KDM4C: variants seen among roughly 807,000 people sequenced by gnomAD.
KDM4C encodes lysine demethylase 4C, also known as lysine-specific demethylase 4C.
Under a neutral mutation model 129.3 loss-of-function variants are expected in KDM4C, and 81 were observed. The observed-to-expected ratio is 0.63, with a 90% CI of 0.52 to 0.75. The LOEUF (loss-of-function observed/expected upper bound fraction) is 0.75, where lower values mean the gene tolerates loss of function less well. KDM4C is among the 30% of genes least tolerant of loss of function. The pLI is 0.00. For missense variants in KDM4C, 1,457 were observed against 1,304.0 expected (o/e 1.12, Z -1.81); for synonymous variants, 573 against 456.1 (o/e 1.26, Z -3.26).
At chr9:7,024,990 C>T (rs1023714684) in intron 15 of KDM4C, among the ~76,000 whole-genome samples, 19 of 152,188 alleles carry the variant, frequency 1.2e-4, no homozygotes, top group African/African-American at 3.9e-4. Context: ...TCCTCTCCAG[C>T]ACCTGTTGTT....
At chr9:6,918,923 C>G (rs1013851448) in intron 8 of KDM4C, among the ~76,000 whole-genome samples, 3 of 152,200 alleles carry the variant, frequency 2.0e-5, no homozygotes, top group African/African-American at 4.8e-5. Context: ...ACAGTCTTAG[C>G]TCACTGCAAC....
rs373026583 is a variant in KDM4C, at chr9:6,879,357, G to A, written c.630-655G>A. ...AAAATAACTATGGAACTAGAAATGA[G>A]TATTTCTGTTCTTTAAGGGTGAAAA... is the stretch of plus-strand genomic sequence containing the variant. On this transcript the variant is annotated intron_variant, in intron 5 of 21. Transcript: ENST00000381309. 3.3e-5 allele frequency among the ~76,000 whole-genome samples: 5 copies of A among 152,172 alleles called. No homozygotes were observed. The East Asian group carries it at 9.6e-4, about 29-fold the overall frequency.
intron 19 of KDM4C, among the ~76,000 whole-genome samples, chr9:7,152,407 C>T (rs1422842848): frequency 2.0e-5 from 3 of 152,050 alleles, no homozygotes; most frequent in African/African-American, 4.8e-5. Context: ...ATGATGTAAT[C>T]GTAGGTGGCA....
intron 19 of KDM4C, among the ~76,000 whole-genome samples, chr9:7,162,400 C>T (rs748362175): frequency 2.0e-5 from 3 of 152,162 alleles, no homozygotes; most frequent in Non-Finnish European, 4.4e-5. Flanking sequence ...AGGTCAGGCA[C>T]TGCCAATGCT....
At chr9:7,111,372 A>G (rs980844079) in intron 18 of KDM4C, among the ~76,000 whole-genome samples, 1 of 152,242 alleles carries the variant, frequency 6.6e-6, no homozygotes, top group African/African-American at 2.4e-5. Flanking sequence ...AGTGAGTATA[A>G]TGCAGACACT....
At chr9:7,033,564 T>C (rs1396311798) in intron 15 of KDM4C, among the ~76,000 whole-genome samples, 2 of 152,218 alleles carry the variant, frequency 1.3e-5, no homozygotes. Context: ...AGCTATGATG[T>C]GGAAGCCGTC....
upstream of KDM4C, among the ~76,000 whole-genome samples, chr9:6,757,250 T>TA (rs1818364605): frequency 6.6e-6 from 1 of 152,028 alleles, no homozygotes; most frequent in African/African-American, 2.4e-5. Flanking sequence ...GCCAAACTGT[T>TA]ATCAACTCTA....
intron 8 of KDM4C, among the ~76,000 whole-genome samples, chr9:6,949,129 C>T (rs1448360326): frequency 3.3e-5 from 5 of 149,350 alleles, no homozygotes; most frequent in African/African-American, 5.0e-5. Flanking sequence ...ACTTCCCAGA[C>T]GGGGCGGCTG....
chr9:7,169,465 A>G (rs1844737856), intron 20 of KDM4C, among the ~76,000 whole-genome samples: 1 of 152,044 alleles, frequency 6.6e-6, no homozygotes, highest in Admixed American at 6.6e-5. Context: ...CCTCCTGAGT[A>G]GCTGGGACTA....
intron 17 of KDM4C, among the ~76,000 whole-genome samples, chr9:7,066,350 G>T (rs1238636087): frequency 6.6e-6 from 1 of 152,122 alleles, no homozygotes; most frequent in Non-Finnish European, 1.5e-5. Context: ...AACTTTCAAG[G>T]ATGTCATTTG....
intron 8 of KDM4C, among the ~76,000 whole-genome samples, chr9:6,903,791 C>G (rs139909991): frequency 1.3e-5 from 2 of 152,164 alleles, no homozygotes; most frequent in African/African-American, 4.8e-5. Context: ...TAATGGCACC[C>G]TTTCTAGTTT....
At chr9:6,998,391 A>T in intron 12 of KDM4C, among the ~76,000 whole-genome samples, 1 of 152,256 alleles carries the variant, frequency 6.6e-6, no homozygotes, top group East Asian at 1.9e-4. Context: ...GAAGAATAAA[A>T]TGTATACATT....
chr9:6,774,618 CTG>C (rs1291692159), intron 1 of KDM4C, among the ~76,000 whole-genome samples: 7 of 152,128 alleles, frequency 4.6e-5, no homozygotes, highest in Admixed American at 3.3e-4. Flanking sequence ...TAAGCTGAGA[CTG>C]TGCTACCGCA....
chr9:6,800,371 C>G (rs373299239), intron 2 of KDM4C, among the ~76,000 whole-genome samples: 60 of 151,392 alleles, frequency 4.0e-4, no homozygotes, highest in African/African-American at 1.3e-3. Context: ...TCTCAAAAAG[C>G]AAACAAACAA....
chr9:6,976,659 C>T (rs1377628371), intron 8 of KDM4C, among the ~76,000 whole-genome samples: 1 of 152,082 alleles, frequency 6.6e-6, no homozygotes, highest in South Asian at 2.1e-4. Context: ...TTGATTGTGC[C>T]TCAAAGATAA....
intron 8 of KDM4C, among the ~76,000 whole-genome samples, chr9:6,922,609 T>C (rs939164642): frequency 6.6e-6 from 1 of 152,228 alleles, no homozygotes; most frequent in Non-Finnish European, 1.5e-5. Flanking sequence ...TAGTTGAATG[T>C]GGTGGCCCGT....
At chr9:7,141,127 T>C (rs1319991269) in intron 19 of KDM4C, among the ~76,000 whole-genome samples, 1 of 152,200 alleles carries the variant, frequency 6.6e-6, no homozygotes, top group African/African-American at 2.4e-5. Context: ...TCAAAGAGAT[T>C]TGTTATGAAG....
At chr9:7,103,416 G>A (rs1449970794) in intron 17 of KDM4C, among the ~76,000 whole-genome samples, 2 of 152,160 alleles carry the variant, frequency 1.3e-5, no homozygotes, top group Non-Finnish European at 2.9e-5. Flanking sequence ...AGGAGTATGT[G>A]CGAAAGTGTT....
intron 18 of KDM4C, among the ~76,000 whole-genome samples, chr9:7,104,728 G>A (rs565698606): frequency 2.6e-5 from 4 of 152,298 alleles, no homozygotes; most frequent in South Asian, 2.1e-4. Flanking sequence ...CTAACTTGCC[G>A]CACTTTGTTT....
Sources: allele counts gnomAD v4.1 joint callset (sites outside exome capture counted in the v4.1 genomes callset), GRCh38; gene constraint gnomAD v4.1.1; transcripts MANE v1.5; gene names NCBI Gene and HGNC (gene_info 2026-07-23, HGNC 2026-07-21).